The following CACNA1S variants were observed in gnomAD, a reference collection of about 807,000 sequenced individuals.
CACNA1S encodes voltage-dependent L-type calcium channel subunit alpha-1S.
A neutral mutation model predicts 207.4 loss-of-function variants in CACNA1S; 126 were observed. The ratio of observed to expected loss-of-function variants is 0.61; its 90% CI spans 0.53 to 0.70. The LOEUF is 0.70. CACNA1S is among the 30% of genes least tolerant of loss of function. The probability of loss-of-function intolerance (pLI) is 0.00; values close to 1 mark genes in which losing one functional copy is unlikely to be tolerated. For missense variants in CACNA1S, 2,349 were observed against 2,422.8 expected (o/e 0.97, Z 0.64); for synonymous variants, 960 against 932.7 (o/e 1.03, Z -0.53).
chr1:201,094,794 G>T (rs966003945), intron 2 of CACNA1S, among the ~76,000 whole-genome samples: 1 of 152,108 alleles, frequency 6.6e-6, no homozygotes, highest in African/African-American at 2.4e-5. Context: ...AGAAGCTGAG[G>T]TTTCAGCTCA....
intron 32 of CACNA1S, among the ~76,000 whole-genome samples, chr1:201,051,479 T>A (rs1449681587): frequency 1.3e-5 from 2 of 152,178 alleles, no homozygotes; most frequent in South Asian, 4.1e-4. Flanking sequence ...ATTAACTGAC[T>A]CCACTCTCTG....
intron 28 of CACNA1S, among the ~76,000 whole-genome samples, chr1:201,056,744 G>C (rs1253882850): frequency 6.6e-6 from 1 of 152,162 alleles, no homozygotes; most frequent in East Asian, 1.9e-4. Context: ...CCTCTGGAGG[G>C]ATCGGCTTCT....
intron 28 of CACNA1S, among the ~76,000 whole-genome samples, chr1:201,054,832 C>T (rs1458111972): frequency 6.6e-6 from 1 of 152,168 alleles, no homozygotes; most frequent in African/African-American, 2.4e-5. Context: ...GATCCCTTCT[C>T]ATTTTGGAGA....
In CACNA1S at chr1:201,083,246, G is replaced by T; in HGVS notation, c.1309C>A (p.Leu437Met). The T allele has an allele frequency of 6.2e-7, 1 of 1,614,198 alleles. No homozygotes were observed. Among genetic ancestry groups the T allele is most frequent in the South Asian group, 1.1e-5 (1 of 91,084 alleles). ...DIVKSKVFYW[L>M]VILIVALNTL... ...TTGAGGGCAACGATGAGAATCACCAGCCAATAGAAGACCTTGGACTTCACG... is the reference window on the plus strand; with the variant it reads ...TTGAGGGCAACGATGAGAATCACCATCCAATAGAAGACCTTGGACTTCACG... The change falls in exon 10 of 44, where the codon CTG (leucine) becomes ATG (methionine). Residue 437 changes from leucine (L) to methionine (M), a missense_variant. Coordinates refer to ENST00000362061, the MANE Select transcript of CACNA1S (RefSeq NM_000069.3).
chr1:201,076,960 T>C lies in CACNA1S; in HGVS notation c.1787A>G (p.Asn596Ser), dbSNP rs376841055. 12 of 1,614,102 alleles carry C rather than the reference T, an allele frequency of 7.4e-6. No individual in the cohort carries two copies. Among genetic ancestry groups the C allele is most frequent in the African/African-American group, 4.0e-5 (3 of 74,932 alleles). The stretch of plus-strand genomic sequence containing the variant: ...GAGGGCTTGGGGAAAGTTGTCAAAG[T>C]TGCTGCGCCGTACTTCTGTGTCTTC... Reference protein sequence around the residue: ...DFEDTEVRRSNFDNFPQALIS... With the variant: ...DFEDTEVRRSSFDNFPQALIS... Residue 596 changes from asparagine (N) to serine (S), a missense_variant, in exon 12 of 44, where the codon AAC becomes AGC. Transcript: ENST00000362061.
At chr1:201,103,581 C>T (rs1662760001) in intron 2 of CACNA1S, among the ~76,000 whole-genome samples, 1 of 152,182 alleles carries the variant, frequency 6.6e-6, no homozygotes, top group Non-Finnish European at 1.5e-5. Context: ...AGGGCAGGCT[C>T]CCAGGTGGGT....
chr1:201,105,047 T>C (rs922936170), intron 2 of CACNA1S, among the ~76,000 whole-genome samples: 2 of 152,186 alleles, frequency 1.3e-5, no homozygotes, highest in African/African-American at 4.8e-5. Flanking sequence ...ATGTCATTGT[T>C]GCTGCTGCTG....
chr1:201,069,745 GTCCT>G, intron 17 of CACNA1S, 144 bp from the exon 18 acceptor site: 8 of 1,009,240 alleles, frequency 7.9e-6, no homozygotes, highest in African/African-American at 1.6e-5. Context: ...CACCTGCAGG[GTCCT>G]CTGGCTGGAC....
chr1:201,073,106 G>A (rs1661478920), intron 15 of CACNA1S, among the ~76,000 whole-genome samples: 1 of 152,190 alleles, frequency 6.6e-6, no homozygotes, highest in African/African-American at 2.4e-5. Context: ...AGGGAGTTGA[G>A]CTTCCCCAGG....
At chr1:201,064,841 G>A (rs749986332) in intron 22 of CACNA1S, among the ~76,000 whole-genome samples, 4 of 152,188 alleles carry the variant, frequency 2.6e-5, no homozygotes, top group Admixed American at 6.5e-5. Flanking sequence ...GGTTGGCTCC[G>A]GATGTGAGAT....
Position 201,054,528 on chromosome 1 carries a change from G to A in CACNA1S, c.3643C>T (p.Leu1215=). ...FLASSGGLYC[L]GGGCGNVDPD... is the part of the protein sequence containing the mutation. Reference sequence around the variant, plus strand: ...ACAACGTTCCCGCAGCCTCCACCCAGGCAATACAGTCCCCCGCTGGAGGCC... The same window carrying A: ...ACAACGTTCCCGCAGCCTCCACCCAAGCAATACAGTCCCCCGCTGGAGGCC... The change falls in exon 29 of 44, where the codon CTG becomes TTG. Residue 1215 remains leucine (L), a synonymous_variant. Transcript: ENST00000362061. The A allele has an allele frequency of 1.2e-6, 2 of 1,613,944 alleles. No individual in the cohort carries two copies. Among genetic ancestry groups the A allele is most frequent in the Non-Finnish European group, 1.7e-6 (2 of 1,179,922 alleles).
At chr1:201,096,729 A>G (rs1662446201) in intron 2 of CACNA1S, among the ~76,000 whole-genome samples, 1 of 152,214 alleles carries the variant, frequency 6.6e-6, no homozygotes, top group Non-Finnish European at 1.5e-5. Context: ...TGAGGATTAA[A>G]TGGCACCTTG....
rs564173380 is a variant in CACNA1S, at chr1:201,066,032, T to G, written c.2746-87A>C. On this transcript the variant is annotated intron_variant, in intron 21 of 43. Transcript: ENST00000362061. This position sits in a 1 kb window ranked among gnomAD's most constrained non-coding sequence, Gnocchi z 4.3. ...TGAGGAAACCCCAGGAGTGCAAGAC[T>G]TGCTGCCTCCTGATGAGTTGGAGGT... The G allele has an allele frequency of 9.6e-7, 1 of 1,044,524 alleles. No individual in the cohort carries two copies. Among genetic ancestry groups the G allele is most frequent in the Non-Finnish European group, 1.5e-6 (1 of 681,840 alleles). The allele number at this position is 1,044,524 out of a possible 1,614,324, so 64.7% of individuals were successfully genotyped here. A position where few individuals can be genotyped will look rare whatever the true frequency, so the allele number is the denominator to read the frequency against.
intron 23 of CACNA1S, 124 bp from the exon 24 acceptor site, chr1:201,062,214 G>C (rs1203076231): frequency 7.9e-7 from 1 of 1,262,564 alleles, no homozygotes; most frequent in South Asian, 1.3e-5. Flanking sequence ...GGACCCAAGG[G>C]GACACCGCTG....
In CACNA1S at chr1:201,039,822, G is replaced by T; in HGVS notation, c.*9C>A. 1 of 1,602,568 alleles carries T rather than the reference G, an allele frequency of 6.2e-7. No individual in the cohort carries two copies. Among genetic ancestry groups the T allele is most frequent in the Non-Finnish European group, 8.5e-7 (1 of 1,179,980 alleles). On this transcript the variant is annotated 3_prime_UTR_variant, in exon 44 of 44. Coordinates refer to ENST00000362061, the MANE Select transcript of CACNA1S (RefSeq NM_000069.3). ...CCAGCTCTAAGCCCATGCTGATGCT[G>T]TGTGGGCATCACAGCCTTGGAGGAA...
At position 201,108,438 on chromosome 1, in the gene CACNA1S, G is replaced by GT. The variant is rs112913431; in HGVS notation, c.258+1725dup. 5.2e-3 allele frequency among the ~76,000 whole-genome samples: 799 copies of GT among 152,222 alleles called. 4 individuals are homozygous for GT. The highest frequency in any genetic ancestry group is 0.018 in the African/African-American group (764 of 41,530). On this transcript the variant is annotated intron_variant, in intron 2 of 43. Transcript: ENST00000362061. ...TTAATATCCTCCAAGGTGGGGCAGA[G>GT]TTTTTTTACAAAAGTAGTCAATGTC...
chr1:201,066,331 T>C lies in CACNA1S; in HGVS notation c.2658-15A>G. On this transcript the variant is annotated splice_polypyrimidine_tract_variant and intron_variant, in intron 20 of 43. Coordinates refer to ENST00000362061, the MANE Select transcript of CACNA1S (RefSeq NM_000069.3). The surrounding 1 kb of genome is among the most constrained non-coding windows in gnomAD (Gnocchi z 4.3). ...TGGCACTGGACCTGGGGGGCGGCAATGGTGAGGGGGCTGAGGGCAGCCTGC... is the reference window on the plus strand; with the variant it reads ...TGGCACTGGACCTGGGGGGCGGCAACGGTGAGGGGGCTGAGGGCAGCCTGC... The C allele has an allele frequency of 6.2e-7, 1 of 1,605,612 alleles. No homozygotes were observed. The highest frequency in any genetic ancestry group is 1.1e-5 in the South Asian group (1 of 90,968).
intron 28 of CACNA1S, among the ~76,000 whole-genome samples, chr1:201,056,597 T>C (rs575841574): frequency 2.0e-5 from 3 of 152,306 alleles, no homozygotes; most frequent in Admixed American, 1.3e-4. Flanking sequence ...AGAATGCTCA[T>C]CTTTCTCTCT....
intron 2 of CACNA1S, among the ~76,000 whole-genome samples, chr1:201,106,055 T>A (rs1004710502): frequency 2.0e-5 from 3 of 152,180 alleles, no homozygotes; most frequent in East Asian, 1.9e-4. Context: ...GAAGTTGAAC[T>A]CACCACCTTC....
Sources: gnomAD v4.1 joint callset for allele counts (sites outside exome capture counted in the v4.1 genomes callset) on GRCh38, gnomAD v4.1.1 for gene constraint, Gnocchi (gnomAD v3.1) non-coding constraint, MANE v1.5 for transcripts, NCBI Gene and HGNC (gene_info 2026-07-23, HGNC 2026-07-21) for gene names.